NTM: variants seen among roughly 807,000 people sequenced by gnomAD.
The protein encoded by NTM is IgLON family member 2.
A neutral mutation model predicts 42.1 loss-of-function variants in NTM; 13 were observed. The observed-to-expected ratio is 0.31, with a 90% CI of 0.20 to 0.49. The LOEUF (loss-of-function observed/expected upper bound fraction) is 0.49. Ranked by LOEUF, NTM falls within the 20% of genes least tolerant of loss-of-function variation. NTM has a pLI of 0.99. For missense variants in NTM, 373 were observed against 452.8 expected (o/e 0.82, Z 1.60); for synonymous variants, 187 against 179.2 (o/e 1.04, Z -0.35).
intron 2 of NTM, among the ~76,000 whole-genome samples, chr11:131,948,813 G>A (rs534274621): frequency 6.6e-6 from 1 of 152,154 alleles, no homozygotes; most frequent in African/African-American, 2.4e-5. Flanking sequence ...TTTTAGGTTT[G>A]TAAAACTTTA....
chr11:132,258,882 C>T lies in NTM; in HGVS notation c.526+46735C>T, dbSNP rs148112945. Among the ~76,000 whole-genome samples, 239 of 152,354 alleles carry T rather than the reference C, an allele frequency of 1.6e-3. 1 individual carries two copies. Among genetic ancestry groups the T allele is most frequent in the African/African-American group, 5.6e-3 (231 of 41,588 alleles). On this transcript the variant is annotated intron_variant, in intron 4 of 8. Transcript: ENST00000683400. ...ATCCTTCGTGTGTGTGACAGTCAAA[C>T]TGAATGTTCAGTTCAATTCAGTCAA...
chr11:132,124,482 T>C (rs1191505219), intron 2 of NTM, among the ~76,000 whole-genome samples: 2 of 152,230 alleles, frequency 1.3e-5, no homozygotes, highest in African/African-American at 2.4e-5. Context: ...TCTTCACCTG[T>C]CCAGGTTTGT....
intron 1 of NTM, among the ~76,000 whole-genome samples, chr11:131,595,644 G>T (rs1050419811): frequency 2.0e-5 from 3 of 152,202 alleles, no homozygotes; most frequent in Non-Finnish European, 4.4e-5. Flanking sequence ...TGTATTTGCC[G>T]GAACGGACTC....
chr11:132,313,179 ACT>A (rs2095328287), intron 6 of NTM, among the ~76,000 whole-genome samples: 1 of 151,804 alleles, frequency 6.6e-6, no homozygotes. Flanking sequence ...GCCAAAAAAC[ACT>A]GTGACCCAGG....
At position 131,537,189 on chromosome 11, in the gene NTM, A is replaced by AAG. The variant is rs1309062051; in HGVS notation, c.82+166302_82+166303insGA. ...TTCTTCATCTAGAGTGAAGTTTAAA[A>AAG]AAAAAAAAAAAACAATTGAGTTGGA... On this transcript the variant is annotated intron_variant, in intron 1 of 8. Coordinates refer to ENST00000683400, the MANE Select transcript of NTM (RefSeq NM_001352005.2). 8 of 151,970 alleles carry AAG rather than the reference A, an allele frequency of 5.3e-5. No individual in the cohort carries two copies. In the East Asian group the frequency reaches 1.5e-3, roughly 29 times the overall value. The allele number at this position is 151,970 out of a possible 1,614,324, so 9.4% of individuals were successfully genotyped here.
chr11:131,675,624 A>C (rs144512221), intron 1 of NTM, among the ~76,000 whole-genome samples: 4 of 152,152 alleles, frequency 2.6e-5, no homozygotes, highest in Non-Finnish European at 5.9e-5. Context: ...CGCAGCTGCT[A>C]TATCCTAGAG....
chr11:132,258,619 T>C (rs1045770057), intron 4 of NTM, among the ~76,000 whole-genome samples: 7 of 152,170 alleles, frequency 4.6e-5, no homozygotes, highest in Non-Finnish European at 8.8e-5. Context: ...CATATAACTT[T>C]AGCCGTCTTT....
In NTM at chr11:131,463,720, C is replaced by T. The variant is rs560549946; in HGVS notation, c.82+92832C>T. Among the ~76,000 whole-genome samples, 8 of 152,288 alleles carry T rather than the reference C, an allele frequency of 5.3e-5. No individual in the cohort carries two copies. In the East Asian group the frequency reaches 1.4e-3, roughly 26 times the overall value. On this transcript the variant is annotated intron_variant, in intron 1 of 8. Transcript: ENST00000683400. The stretch of plus-strand genomic sequence containing the variant: ...CCCCTGCAAATACTCTGCTTCCTGA[C>T]GCTTCTTCATTGCTGAAATAGTCCA...
chr11:131,738,191 G>A (rs1008549225), intron 1 of NTM, among the ~76,000 whole-genome samples: 1 of 152,140 alleles, frequency 6.6e-6, no homozygotes, highest in Non-Finnish European at 1.5e-5. Context: ...CTTTTGGATG[G>A]ACATGTGCAA....
chr11:131,745,208 C>T (rs995990630), intron 1 of NTM, among the ~76,000 whole-genome samples: 1 of 152,102 alleles, frequency 6.6e-6, no homozygotes, highest in Non-Finnish European at 1.5e-5. Context: ...TGTATTTCCT[C>T]GAGCTTTCCC....
At chr11:131,933,136 A>G (rs2058820340) in intron 2 of NTM, among the ~76,000 whole-genome samples, 1 of 151,980 alleles carries the variant, frequency 6.6e-6, no homozygotes, top group Admixed American at 6.6e-5. Context: ...TGCTATGAAC[A>G]CTCCTTTTGT....
intron 1 of NTM, among the ~76,000 whole-genome samples, chr11:131,575,509 G>C (rs1380515130): frequency 5.3e-5 from 8 of 152,272 alleles, no homozygotes; most frequent in African/African-American, 1.9e-4. Flanking sequence ...CATAGGAAGT[G>C]GCACAGTCTA....
At chr11:131,819,770 C>T (rs367846033) in intron 1 of NTM, among the ~76,000 whole-genome samples, 10 of 152,168 alleles carry the variant, frequency 6.6e-5, no homozygotes, top group African/African-American at 2.4e-4. Context: ...GACAGAAGGG[C>T]ACCAGGAGCT....
chr11:132,116,368 G>C (rs187831788), intron 2 of NTM, among the ~76,000 whole-genome samples: 4 of 152,192 alleles, frequency 2.6e-5, no homozygotes, highest in African/African-American at 9.7e-5. Flanking sequence ...AAACAGAAGT[G>C]GGGGGTGATA....
chr11:131,712,921 G>A (rs2077324476), intron 1 of NTM, among the ~76,000 whole-genome samples: 1 of 152,088 alleles, frequency 6.6e-6, no homozygotes, highest in Non-Finnish European at 1.5e-5. Context: ...AGGAAGGGAA[G>A]AAAAGAATGA....
chr11:131,991,340 G>T (rs2066988364), intron 2 of NTM, among the ~76,000 whole-genome samples: 1 of 152,094 alleles, frequency 6.6e-6, no homozygotes, highest in Non-Finnish European at 1.5e-5. Flanking sequence ...GTCAGAGATT[G>T]AGTTACTGTA....
At chr11:131,617,775 G>A (rs2062090350) in intron 1 of NTM, among the ~76,000 whole-genome samples, 2 of 152,148 alleles carry the variant, frequency 1.3e-5, no homozygotes, top group African/African-American at 2.4e-5. Flanking sequence ...CTTTCCCCTG[G>A]GGTTTTTGTT....
At chr11:132,193,635 G>T (rs2079674722) in intron 3 of NTM, among the ~76,000 whole-genome samples, 2 of 151,824 alleles carry the variant, frequency 1.3e-5, no homozygotes, top group Admixed American at 1.3e-4. Context: ...AAACGCCAAA[G>T]ATAACAGAAG....
intron 2 of NTM, among the ~76,000 whole-genome samples, chr11:131,959,200 G>T (rs188431181): frequency 6.6e-6 from 1 of 152,276 alleles, no homozygotes; most frequent in East Asian, 1.9e-4. Flanking sequence ...GTAATGGGCT[G>T]CCCGCAGATT....
Sources: gnomAD v4.1 joint callset for allele counts (sites outside exome capture counted in the v4.1 genomes callset) on GRCh38, gnomAD v4.1.1 for gene constraint, MANE v1.5 for transcripts, NCBI Gene and HGNC (gene_info 2026-07-23, HGNC 2026-07-21) for gene names.